Variants in SPAG16 observed in about 807,000 individuals in gnomAD.
SPAG16 encodes the protein sperm associated antigen 16, also known as sperm-associated antigen 16 protein.
SPAG16 carries 86 observed loss-of-function variants against 80.4 expected under a neutral mutation model. The ratio of observed to expected loss-of-function variants is 1.07; its 90% CI spans 0.90 to 1.28. The LOEUF is 1.28. Among genes scored for constraint, SPAG16 ranks in the 50% most tolerant of loss-of-function variants. SPAG16 has a pLI of 0.00. For missense variants in SPAG16, 870 were observed against 765.3 expected (o/e 1.14, Z -1.61); for synonymous variants, 294 against 265.9 (o/e 1.11, Z -1.03).
At chr2:213,418,680 A>C (rs759258652) in intron 9 of SPAG16, among the ~76,000 whole-genome samples, 15 of 152,036 alleles carry the variant, frequency 9.9e-5, no homozygotes, top group Non-Finnish European at 2.2e-4. Flanking sequence ...AATGTGTTTT[A>C]TTGTCTCCTG....
At chr2:214,068,842 T>G (rs1255854287) in intron 13 of SPAG16, among the ~76,000 whole-genome samples, 1 of 152,114 alleles carries the variant, frequency 6.6e-6, no homozygotes. Flanking sequence ...ACCAGGGTAT[T>G]CTTGCTTAGT....
At chr2:213,347,754 T>G (rs2065078820) in intron 6 of SPAG16, among the ~76,000 whole-genome samples, 1 of 152,192 alleles carries the variant, frequency 6.6e-6, no homozygotes, top group South Asian at 2.1e-4. Flanking sequence ...TGAGAGATAG[T>G]TTGTTATAAT....
At chr2:213,338,070 A>G (rs1339015177) in intron 5 of SPAG16, among the ~76,000 whole-genome samples, 6 of 152,104 alleles carry the variant, frequency 3.9e-5, no homozygotes, top group African/African-American at 1.2e-4. Flanking sequence ...AATATTCGAC[A>G]CTCTTAAAAG....
intron 12 of SPAG16, among the ~76,000 whole-genome samples, chr2:213,973,791 A>C (rs1457575412): frequency 1.3e-5 from 2 of 152,008 alleles, no homozygotes; most frequent in Admixed American, 1.3e-4. Context: ...TGTTTTGTGG[A>C]TATTGCTCTC....
chr2:214,282,822 C>A (rs1693055791), intron 15 of SPAG16, among the ~76,000 whole-genome samples: 1 of 152,064 alleles, frequency 6.6e-6, no homozygotes, highest in East Asian at 1.9e-4. Flanking sequence ...AATATCCAGT[C>A]CAAAACTGTG....
At chr2:213,714,890 C>G (rs1284354158) in intron 10 of SPAG16, among the ~76,000 whole-genome samples, 1 of 152,118 alleles carries the variant, frequency 6.6e-6, no homozygotes, top group Non-Finnish European at 1.5e-5. Flanking sequence ...ACATCGGGAA[C>G]CCAACCCCCA....
At chr2:213,542,962 A>AAC (rs1367371418) in intron 10 of SPAG16, among the ~76,000 whole-genome samples, 7 of 152,092 alleles carry the variant, frequency 4.6e-5, no homozygotes, top group Non-Finnish European at 1.0e-4. Flanking sequence ...CTTTGAGAAG[A>AAC]TTTATAAAGT....
intron 2 of SPAG16, 91 bp from the exon 3 acceptor site, chr2:213,297,171 T>A: frequency 6.6e-7 from 1 of 1,504,124 alleles, no homozygotes; most frequent in African/African-American, 1.4e-5. Context: ...TTTGATCCTT[T>A]GATTTGTGAA....
At chr2:213,741,531 ATAAAT>A (rs1215939553) in intron 10 of SPAG16, among the ~76,000 whole-genome samples, 1 of 152,210 alleles carries the variant, frequency 6.6e-6, no homozygotes, top group Admixed American at 6.6e-5. Context: ...CACAGAGATG[ATAAAT>A]TAAAGTTTAG....
intron 11 of SPAG16, among the ~76,000 whole-genome samples, chr2:213,884,596 T>C (rs2076482309): frequency 1.3e-5 from 2 of 152,194 alleles, no homozygotes; most frequent in Admixed American, 6.5e-5. Flanking sequence ...AATTTCCAAG[T>C]TGTTTATTCT....
At chr2:213,674,846 C>A (rs903936773) in intron 10 of SPAG16, among the ~76,000 whole-genome samples, 1 of 149,846 alleles carries the variant, frequency 6.7e-6, no homozygotes, top group Non-Finnish European at 1.5e-5. Flanking sequence ...GATAAACATA[C>A]GTGTGCATGT....
intron 10 of SPAG16, among the ~76,000 whole-genome samples, chr2:213,529,978 C>T (rs1259570027): frequency 6.6e-6 from 1 of 152,152 alleles, no homozygotes; most frequent in Non-Finnish European, 1.5e-5. Flanking sequence ...GTCAATATCA[C>T]TTTCTTCCAC....
At chr2:213,875,889 A>G (rs188509662) in intron 11 of SPAG16, among the ~76,000 whole-genome samples, 2 of 152,256 alleles carry the variant, frequency 1.3e-5, no homozygotes, top group East Asian at 3.9e-4. Context: ...GCAAAACTCA[A>G]TAAGACTTAC....
At chr2:214,100,625 A>G (rs1179673142) in intron 13 of SPAG16, among the ~76,000 whole-genome samples, 3 of 152,076 alleles carry the variant, frequency 2.0e-5, no homozygotes, top group Non-Finnish European at 4.4e-5. Context: ...AAATACCAAA[A>G]CATGTGGTAT....
intron 10 of SPAG16, among the ~76,000 whole-genome samples, chr2:213,818,578 A>C (rs951879952): frequency 6.6e-5 from 10 of 152,146 alleles, no homozygotes; most frequent in Admixed American, 6.6e-4. Flanking sequence ...TTGTTGGTTC[A>C]TTCCAGTGAA....
At chr2:213,866,755 C>A (rs1418946826) in intron 11 of SPAG16, among the ~76,000 whole-genome samples, 1 of 152,132 alleles carries the variant, frequency 6.6e-6, no homozygotes, top group Non-Finnish European at 1.5e-5. Flanking sequence ...AGCAAGGGTC[C>A]AAGCTAACAT....
chr2:213,961,526 A>ATT (rs35549155), intron 12 of SPAG16, among the ~76,000 whole-genome samples: 3,160 of 142,372 alleles, frequency 0.022, 69 homozygotes, highest in African/African-American at 0.061. Context: ...GTTGTTAGCT[A>ATT]TTTTTTTTTT....
At chr2:213,706,893 C>A (rs191663710) in intron 10 of SPAG16, among the ~76,000 whole-genome samples, 1 of 152,138 alleles carries the variant, frequency 6.6e-6, no homozygotes, top group African/African-American at 2.4e-5. Flanking sequence ...ATTAACATGG[C>A]GGTCAAGTTG....
chr2:213,916,453 G>A (rs1410401382), intron 11 of SPAG16, among the ~76,000 whole-genome samples: 2 of 152,164 alleles, frequency 1.3e-5, no homozygotes, highest in East Asian at 1.9e-4. Context: ...TGAGGCCTCT[G>A]TTCTGTTCCA....
Sources: allele counts gnomAD v4.1 joint callset (sites outside exome capture counted in the v4.1 genomes callset), GRCh38; gene constraint gnomAD v4.1.1; transcripts MANE v1.5; gene names NCBI Gene and HGNC (gene_info 2026-07-23, HGNC 2026-07-21).